The following CLIC5 variants were observed in gnomAD, a reference collection of about 807,000 sequenced individuals.
CLIC5 encodes the protein CLIC family member 5, also known as chloride intracellular channel protein 5.
In CLIC5, 20 loss-of-function variants were observed where a neutral mutation model predicts 24.7. That is an observed-to-expected ratio of 0.81 (90% CI 0.57 to 1.18). The LOEUF (loss-of-function observed/expected upper bound fraction) is 1.18. Among genes scored for constraint, CLIC5 ranks in the 50% most tolerant of loss-of-function variants. CLIC5 has a pLI of 0.00. For synonymous variants in CLIC5, 159 were observed against 135.6 expected, an observed-to-expected ratio of 1.17 and a Z score of -1.20; for missense variants, 341 against 326.1, an observed-to-expected ratio of 1.05 and a Z score of -0.35.
intron 3 of CLIC5, among the ~76,000 whole-genome samples, chr6:45,947,303 T>C (rs1764320757): frequency 6.6e-6 from 1 of 152,132 alleles, no homozygotes; most frequent in Non-Finnish European, 1.5e-5. Flanking sequence ...TGAGGGAACC[T>C]GGCTAAAGGG....
chr6:45,904,511 A>G (rs1244846639), intron 5 of CLIC5, among the ~76,000 whole-genome samples: 2 of 151,462 alleles, frequency 1.3e-5, no homozygotes, highest in Non-Finnish European at 2.9e-5. Context: ...ATTTTTAAAC[A>G]GGGCCCCCCT....
chr6:45,983,156 A>G (rs1057319241), intron 1 of CLIC5, among the ~76,000 whole-genome samples: 6 of 152,246 alleles, frequency 3.9e-5, no homozygotes, highest in Non-Finnish European at 7.3e-5. Context: ...TTAAATCCTC[A>G]GACCTCTGCC....
chr6:45,908,051 T>G (rs1253619443), intron 5 of CLIC5, among the ~76,000 whole-genome samples: 1 of 152,230 alleles, frequency 6.6e-6, no homozygotes, highest in Non-Finnish European at 1.5e-5. Flanking sequence ...CTAGTTTGTG[T>G]GCATAGGGAT....
upstream of CLIC5, among the ~76,000 whole-genome samples, chr6:46,080,946 T>TC (rs767229922): frequency 2.0e-5 from 3 of 152,114 alleles, no homozygotes; most frequent in Non-Finnish European, 4.4e-5. Context: ...TTTTTATTTT[T>TC]CCCCCTTAAA....
At chr6:46,092,514 TA>T in the CLIC5 span, among the ~76,000 whole-genome samples, 7 of 152,218 alleles carry the variant, frequency 4.6e-5, no homozygotes, top group Non-Finnish European at 8.8e-5. Flanking sequence ...AAAGTATCCA[TA>T]AAACTTTAAC....
chr6:46,026,336 C>T (rs929354358), intron 1 of CLIC5, among the ~76,000 whole-genome samples: 10 of 152,222 alleles, frequency 6.6e-5, no homozygotes, highest in Admixed American at 2.0e-4. Flanking sequence ...ATATATGCAT[C>T]GCTCTCCAAT....
chr6:46,103,503 G>A, the CLIC5 span, among the ~76,000 whole-genome samples: 1 of 152,162 alleles, frequency 6.6e-6, no homozygotes, highest in Non-Finnish European at 1.5e-5. Flanking sequence ...ACTGATACCT[G>A]TGAAGTTTTA....
At position 45,980,612 on chromosome 6, in the gene CLIC5, G is replaced by A. The variant is rs115996468; in HGVS notation, c.64-25368C>T. Among the ~76,000 whole-genome samples, 1,387 of 151,608 alleles carry A rather than the reference G, an allele frequency of 9.1e-3. 16 individuals carry two copies. The highest frequency in any genetic ancestry group is 0.031 in the African/African-American group (1,267 of 41,336). ...TGGCTTTAGAATCTATCACCACAAA[G>A]AAAAGAATACTTAATGTTAAGGGAA... is the stretch of plus-strand genomic sequence containing the variant. On this transcript the variant is annotated intron_variant, in intron 1 of 5. Coordinates refer to ENST00000339561, the MANE Select transcript of CLIC5 (RefSeq NM_016929.5).
chr6:45,978,958 A>C (rs1047830002), intron 1 of CLIC5, among the ~76,000 whole-genome samples: 3 of 152,002 alleles, frequency 2.0e-5, no homozygotes, highest in African/African-American at 7.2e-5. Flanking sequence ...TAAAAAAAAA[A>C]AAAACAGAAA....
intron 6 of CLIC5, among the ~76,000 whole-genome samples, chr6:45,881,934 C>T (rs1013897599): frequency 6.6e-6 from 1 of 151,852 alleles, no homozygotes; most frequent in African/African-American, 2.4e-5. Flanking sequence ...AAATGACTTC[C>T]CCTTAGCCCC....
chr6:45,998,706 T>A (rs1367929227), intron 1 of CLIC5, among the ~76,000 whole-genome samples: 1 of 152,168 alleles, frequency 6.6e-6, no homozygotes, highest in South Asian at 2.1e-4. Context: ...CAGGTGAATA[T>A]GGCCACTCTC....
intron 1 of CLIC5, among the ~76,000 whole-genome samples, chr6:45,978,475 T>C (rs1765459318): frequency 1.3e-5 from 2 of 152,212 alleles, no homozygotes; most frequent in South Asian, 4.1e-4. Flanking sequence ...CAATATTTAT[T>C]AAGAACTTCT....
intron 4 of CLIC5, among the ~76,000 whole-genome samples, chr6:45,929,050 C>T (rs1342143784): frequency 6.6e-6 from 1 of 152,098 alleles, no homozygotes; most frequent in African/African-American, 2.4e-5. Flanking sequence ...CCGCTCTACT[C>T]CAGTCCAGGA....
intron 1 of CLIC5, among the ~76,000 whole-genome samples, chr6:45,980,745 G>T (rs1342616381): frequency 3.3e-5 from 5 of 150,120 alleles, no homozygotes; most frequent in African/African-American, 1.2e-4. Context: ...AACATTATCA[G>T]AAGTTATCTA....
At position 45,988,378 on chromosome 6, in the gene CLIC5, T is replaced by A. The variant is rs537409490; in HGVS notation, c.63+27102A>T. ...TGACTCTGCCAAGTCAGGTTTTCAA[T>A]TGATTAAGTCTCAGCCACGTTAGGG... On this transcript the variant is annotated intron_variant, in intron 1 of 5. Coordinates refer to ENST00000339561, the MANE Select transcript of CLIC5 (RefSeq NM_016929.5). Among the ~76,000 whole-genome samples the A allele has an allele frequency of 3.9e-5, 6 of 152,274 alleles. No homozygotes were observed. In the South Asian group the frequency reaches 1.2e-3, roughly 32 times the overall value.
chr6:46,067,226 C>G (rs1762467284), intron 1 of CLIC5, among the ~76,000 whole-genome samples: 1 of 152,116 alleles, frequency 6.6e-6, no homozygotes, highest in South Asian at 2.1e-4. Flanking sequence ...ACAACAAGCT[C>G]AGTGCCCCCA....
rs1762501600 is a variant in CLIC5 at position 45,901,156 on chromosome 6, TG to T, written c.*1931del. 6.6e-6 allele frequency: 1 copy of T among 152,138 alleles called. No homozygotes were observed. The highest frequency in any genetic ancestry group is 2.1e-4 in the South Asian group (1 of 4,816). 9.4% of individuals were successfully genotyped at this position (152,138 alleles called of 1,614,324 possible). Reference sequence around the variant, plus strand: ...GCCCTCATCCCCCAGGAGGCCAGTTTGGGGCTTTTCCCTACAGTAAAAAAGG... The same window carrying T: ...GCCCTCATCCCCCAGGAGGCCAGTTTGGGCTTTTCCCTACAGTAAAAAAGG... On this transcript the variant is annotated 3_prime_UTR_variant, in exon 6 of 6. Transcript: ENST00000339561.
At chr6:45,931,713 C>T (rs1763743073) in intron 4 of CLIC5, among the ~76,000 whole-genome samples, 1 of 152,202 alleles carries the variant, frequency 6.6e-6, no homozygotes, top group Non-Finnish European at 1.5e-5. Flanking sequence ...GGCTAAAGTG[C>T]AGTGGCATGA....
intron 1 of CLIC5, among the ~76,000 whole-genome samples, chr6:45,985,357 T>C (rs1203385735): frequency 6.6e-6 from 1 of 152,236 alleles, no homozygotes; most frequent in Non-Finnish European, 1.5e-5. Context: ...ATCTAAAAGT[T>C]GCTGTGCCAT....
Sources: gnomAD v4.1 joint callset for allele counts (sites outside exome capture counted in the v4.1 genomes callset) on GRCh38, gnomAD v4.1.1 for gene constraint, MANE v1.5 for transcripts, NCBI Gene and HGNC (gene_info 2026-07-23, HGNC 2026-07-21) for gene names.